The following EIF4G3 variants were observed in gnomAD, a reference collection of about 807,000 sequenced individuals.
EIF4G3 encodes eIF-4-gamma 3.
Under a neutral mutation model 186.4 loss-of-function variants are expected in EIF4G3, and 34 were observed. That is an observed-to-expected ratio of 0.18 (90% CI 0.14 to 0.24). EIF4G3 has a LOEUF of 0.24. Among genes scored for constraint, EIF4G3 ranks in the 10% least tolerant of loss-of-function variants. EIF4G3 has a pLI of 1.00. For missense variants in EIF4G3, 1,536 were observed against 1,948.5 expected (o/e 0.79, Z 3.99); for synonymous variants, 673 against 679.5 (o/e 0.99, Z 0.15).
chr1:21,109,941 T>C (rs1358196362), intron 2 of EIF4G3, among the ~76,000 whole-genome samples: 3 of 152,066 alleles, frequency 2.0e-5, no homozygotes. Flanking sequence ...CATGCCACCA[T>C]ACCCAGCTAA....
intron 20 of EIF4G3, among the ~76,000 whole-genome samples, chr1:20,868,730 C>T (rs144430257): frequency 6.6e-6 from 1 of 152,230 alleles, no homozygotes; most frequent in African/African-American, 2.4e-5. Flanking sequence ...ATGGGTTGTT[C>T]GGGACGGGTT....
At chr1:21,067,275 G>C (rs1429225164) in intron 3 of EIF4G3, among the ~76,000 whole-genome samples, 2 of 151,836 alleles carry the variant, frequency 1.3e-5, no homozygotes, top group Admixed American at 1.3e-4. Context: ...TGGGATTACA[G>C]GTGCCCACCA....
chr1:20,883,665 AT>A (rs1436831486), intron 19 of EIF4G3, among the ~76,000 whole-genome samples: 4 of 152,096 alleles, frequency 2.6e-5, no homozygotes, highest in African/African-American at 9.7e-5. Flanking sequence ...GGGCCAGATA[AT>A]AAAGGACAGA....
intron 14 of EIF4G3, among the ~76,000 whole-genome samples, chr1:20,909,765 A>G (rs1158883754): frequency 6.7e-6 from 1 of 149,518 alleles, no homozygotes; most frequent in African/African-American, 2.5e-5. Context: ...ATTCTTATAT[A>G]GTCAATCTGC....
At chr1:21,164,995 G>T (rs908783366) in intron 2 of EIF4G3, among the ~76,000 whole-genome samples, 1 of 152,058 alleles carries the variant, frequency 6.6e-6, no homozygotes, top group Admixed American at 6.6e-5. Context: ...ATTAACAACT[G>T]GGCAAAGGAT....
chr1:20,841,673 TG>T (rs887904220), intron 29 of EIF4G3, among the ~76,000 whole-genome samples: 1 of 152,240 alleles, frequency 6.6e-6, no homozygotes, highest in South Asian at 2.1e-4. Context: ...GCTTGTTAAC[TG>T]GTGTTTACTA....
At chr1:20,942,390 T>C in intron 13 of EIF4G3, 60 bp from the exon 14 acceptor site, 1 of 1,493,014 alleles carries the variant, frequency 6.7e-7, no homozygotes, top group Non-Finnish European at 8.9e-7. Context: ...CATATTGCCT[T>C]GGGCCAATTC....
chr1:21,077,161 T>C lies in EIF4G3; in HGVS notation c.-196+11977A>G, dbSNP rs138300880. Among the ~76,000 whole-genome samples, 15 of 150,914 alleles carry C rather than the reference T, an allele frequency of 9.9e-5. No individual in the cohort carries two copies. The East Asian group carries it at 2.9e-3, about 29-fold the overall frequency. Reference sequence around the variant, plus strand: ...TGATCTGTAATCCCACTCTGGGAGGTCAAGATAGGAGGACTGCTTGAGCCC... The same window carrying C: ...TGATCTGTAATCCCACTCTGGGAGGCCAAGATAGGAGGACTGCTTGAGCCC... On this transcript the variant is annotated intron_variant, in intron 3 of 36. Transcript: ENST00000602326.
intron 4 of EIF4G3, among the ~76,000 whole-genome samples, chr1:21,036,455 TGTTA>T (rs1485810891): frequency 6.6e-6 from 1 of 152,160 alleles, no homozygotes; most frequent in Admixed American, 6.5e-5. Context: ...GATCCCGTAA[TGTTA>T]GTACAAAAAA....
intron 2 of EIF4G3, among the ~76,000 whole-genome samples, chr1:21,140,614 C>G (rs1361069056): frequency 6.6e-6 from 1 of 152,068 alleles, no homozygotes; most frequent in Non-Finnish European, 1.5e-5. Flanking sequence ...CTGGCCTTGG[C>G]AAAATTATTT....
rs369523898 is a variant in EIF4G3, at chr1:20,981,087, C to T, written c.339G>A (p.Pro113=). 1.6e-5 allele frequency: 25 copies of T among 1,612,130 alleles called. No homozygotes were observed. The highest frequency in any genetic ancestry group is 5.0e-5 in the Admixed American group (3 of 59,888). ...ACTGAGGCCCCTGGGGCACTGGGTA[C>T]GGCATGGGCAGATGGTTAACCATCA... The part of the protein sequence containing the change: ...HIMMVNHLPM[P]YPVPQGPQYC... Residue 113 remains proline, a synonymous_variant, in exon 9 of 37, where the codon CCG becomes CCA. Coordinates refer to ENST00000602326, the MANE Select transcript of EIF4G3 (RefSeq NM_001391906.1).
intron 29 of EIF4G3, among the ~76,000 whole-genome samples, chr1:20,843,152 T>C (rs1019575483): frequency 1.6e-4 from 24 of 152,040 alleles, no homozygotes; most frequent in Non-Finnish European, 5.9e-5. Context: ...TGTGGGTTTT[T>C]TAACCTTATT....
intron 2 of EIF4G3, among the ~76,000 whole-genome samples, chr1:21,096,214 T>TA (rs890254824): frequency 5.3e-5 from 8 of 152,266 alleles, no homozygotes; most frequent in Non-Finnish European, 8.8e-5. Flanking sequence ...TATTCAACCA[T>TA]AAAAAAATGA....
intron 14 of EIF4G3, among the ~76,000 whole-genome samples, chr1:20,915,520 GA>G (rs1250156107): frequency 6.8e-6 from 1 of 147,492 alleles, no homozygotes; most frequent in East Asian, 2.0e-4. Flanking sequence ...TACAGAAAAA[GA>G]AAAAAAATGT....
intron 14 of EIF4G3, among the ~76,000 whole-genome samples, chr1:20,926,801 A>T (rs1199920326): frequency 2.6e-5 from 4 of 152,144 alleles, no homozygotes; most frequent in Non-Finnish European, 4.4e-5. Context: ...AACAACACAA[A>T]TCTATACATT....
chr1:20,927,405 T>A (rs983588442), intron 14 of EIF4G3, among the ~76,000 whole-genome samples: 3 of 152,248 alleles, frequency 2.0e-5, no homozygotes, highest in African/African-American at 7.2e-5. Flanking sequence ...TTGAAACGAC[T>A]ATTTCTACAG....
intron 19 of EIF4G3, among the ~76,000 whole-genome samples, chr1:20,882,286 G>A (rs1360136857): frequency 5.9e-5 from 9 of 151,898 alleles, no homozygotes; most frequent in Non-Finnish European, 1.3e-4. Flanking sequence ...CAAGGCAGGA[G>A]GACTGCAGGA....
intron 3 of EIF4G3, among the ~76,000 whole-genome samples, chr1:21,084,972 C>T (rs1270416058): frequency 1.5e-5 from 2 of 129,152 alleles, no homozygotes; most frequent in Non-Finnish European, 3.6e-5. Context: ...CTGCATGACA[C>T]ACAGTAAAAG....
chr1:20,878,461 T>G (rs912983094), intron 20 of EIF4G3, among the ~76,000 whole-genome samples: 2 of 152,240 alleles, frequency 1.3e-5, no homozygotes, highest in Admixed American at 1.3e-4. Context: ...TTGGAAATAC[T>G]TATTTTCAAA....
Sources: allele counts gnomAD v4.1 joint callset (sites outside exome capture counted in the v4.1 genomes callset), GRCh38; gene constraint gnomAD v4.1.1; transcripts MANE v1.5; gene names NCBI Gene and HGNC (gene_info 2026-07-23, HGNC 2026-07-21).